SMARCA4: variants seen among roughly 807,000 people sequenced by gnomAD.
SMARCA4 encodes the protein SWI/SNF-related matrix-associated actin-dependent regulator of chromatin subfamily A member 4.
In SMARCA4, 31 loss-of-function variants were observed where a neutral mutation model predicts 193.9. That is an observed-to-expected ratio of 0.16 (90% CI 0.12 to 0.22). The LOEUF (loss-of-function observed/expected upper bound fraction) is 0.22, where lower values mean the gene tolerates loss of function less well. Ranked by LOEUF, SMARCA4 falls within the 10% of genes least tolerant of loss-of-function variation. The probability of loss-of-function intolerance (pLI) is 1.00; values close to 1 mark genes in which losing one functional copy is unlikely to be tolerated. For synonymous variants in SMARCA4, 942 were observed against 933.1 expected, an observed-to-expected ratio of 1.01 and a Z score of -0.17; for missense variants, 1,148 against 2,296.0, an observed-to-expected ratio of 0.50 and a Z score of 10.22.
chr19:10,972,344 C>T (rs530064305), intron 1 of SMARCA4, among the ~76,000 whole-genome samples: 2 of 151,566 alleles, frequency 1.3e-5, no homozygotes, highest in Admixed American at 1.3e-4. Context: ...GATCCACCTG[C>T]CTCGGCCTCC....
At chr19:11,053,326 A>G (rs539743406) in intron 30 of SMARCA4, among the ~76,000 whole-genome samples, 192 of 152,086 alleles carry the variant, frequency 1.3e-3, no homozygotes, top group Middle Eastern at 3.4e-3. Context: ...TCTACTCAAA[A>G]TACGTAAGTT....
Position 11,029,626 on chromosome 19 carries a change from C to T in SMARCA4, c.3383-1104C>T, listed in dbSNP as rs181596241. Among the ~76,000 whole-genome samples the T allele has an allele frequency of 2.6e-5, 4 of 152,356 alleles. No individual in the cohort carries two copies. In the East Asian group the frequency reaches 7.7e-4, roughly 29 times the overall value. On this transcript the variant is annotated intron_variant, in intron 24 of 34. Coordinates refer to ENST00000344626, the MANE Select transcript of SMARCA4 (RefSeq NM_003072.5). The stretch of plus-strand genomic sequence containing the variant: ...ATGGCCAGGCTACTGTGGGCTTCTG[C>T]ACCGTGCCTGGGCATGTGTAGGCTG...
In SMARCA4 at chr19:10,984,420, G is replaced by C; in HGVS notation, c.222+47G>C. 6.4e-7 allele frequency: 1 copy of C among 1,551,480 alleles called. No individual in the cohort carries two copies. The highest frequency in any genetic ancestry group is 8.7e-7 in the Non-Finnish European group (1 of 1,147,824). On this transcript the variant is annotated intron_variant, in intron 2 of 34. Coordinates refer to ENST00000344626, the MANE Select transcript of SMARCA4 (RefSeq NM_003072.5). The surrounding 1 kb of genome is among the most constrained non-coding windows in gnomAD (Gnocchi z 4.3). ...TCGCACCTGCGGCCTCTGCCCACTA[G>C]GGCTGCAGGCAGCCTCTGGACCGAG... is the stretch of plus-strand genomic sequence containing the variant.
In SMARCA4 at chr19:11,041,875, C is replaced by T. The variant is rs2075638195; in HGVS notation, c.4424+315C>T. Among the ~76,000 whole-genome samples, 1 of 152,174 alleles carries T rather than the reference C, an allele frequency of 6.6e-6. No homozygotes were observed. Among genetic ancestry groups the T allele is most frequent in the Admixed American group, 6.5e-5 (1 of 15,274 alleles). ...GGGGAGGTTGGGGAGAGTGCACCAG[C>T]AGAGGCCACAGCAGGCGGAGAGGCT... On this transcript the variant is annotated intron_variant, in intron 30 of 34. Coordinates refer to ENST00000344626, the MANE Select transcript of SMARCA4 (RefSeq NM_003072.5). This position sits in a 1 kb window ranked among gnomAD's most constrained non-coding sequence, Gnocchi z 5.6.
chr19:11,013,327 C>CA (rs1476147444), intron 16 of SMARCA4, among the ~76,000 whole-genome samples: 1 of 152,226 alleles, frequency 6.6e-6, no homozygotes, highest in Admixed American at 6.5e-5. Context: ...ATGTATCTCA[C>CA]TGTGTCTTCA....
chr19:10,978,389 A>G (rs778494307), intron 1 of SMARCA4, among the ~76,000 whole-genome samples: 6 of 152,048 alleles, frequency 3.9e-5, no homozygotes, highest in South Asian at 4.1e-4. Context: ...CTGGAGTGCA[A>G]TGATGTAATC....
At position 11,041,382 on chromosome 19, in the gene SMARCA4, G is replaced by A. The variant is rs1600466835; in HGVS notation, c.4246G>A (p.Asp1416Asn). Residue 1416 changes from aspartate (D) to asparagine (N), a missense_variant, in exon 30 of 35, where the codon GAC becomes AAC. Physicochemically the swap from Asp to Asn is conservative, Grantham distance 23. Around this residue, in one of 17 missense-constraint regions of SMARCA4, gnomAD observed 141 missense variants for 193.0 expected, o/e 0.73. Coordinates refer to ENST00000344626, the MANE Select transcript of SMARCA4 (RefSeq NM_003072.5). The surrounding 1 kb of genome is among the most constrained non-coding windows in gnomAD (Gnocchi z 5.6). ...QKKSSRKRKR[D>N]SDAGSSTPTT... is the part of the protein sequence containing the mutation. ...GAAATCATCACGGAAGCGCAAGCGA[G>A]ACAGCGACGCCGGCTCCTCCACCCC... is the stretch of plus-strand genomic sequence containing the variant. 6.2e-7 allele frequency: 1 copy of A among 1,612,730 alleles called. No homozygotes were observed. The highest frequency in any genetic ancestry group is 1.1e-5 in the South Asian group (1 of 91,080).
chr19:11,018,841 C>T (rs2089607842), intron 16 of SMARCA4, 116 bp from the exon 17 acceptor site: 2 of 845,376 alleles, frequency 2.4e-6, no homozygotes. Context: ...TTTCTCTGCC[C>T]ACTCGGAGGG....
intron 14 of SMARCA4, among the ~76,000 whole-genome samples, chr19:11,009,170 G>C (rs1201162467): frequency 2.7e-5 from 4 of 150,596 alleles, no homozygotes; most frequent in Non-Finnish European, 5.9e-5. Flanking sequence ...AACAGGCGCG[G>C]GCCACCACGT....
chr19:11,025,199 A>ATCTGCCC (rs1413323742), intron 21 of SMARCA4, among the ~76,000 whole-genome samples: 18 of 152,128 alleles, frequency 1.2e-4, no homozygotes, highest in African/African-American at 4.3e-4. Flanking sequence ...TGTCCCTGCC[A>ATCTGCCC]TCTGCCCTCT....
At position 11,033,597 on chromosome 19, in the gene SMARCA4, T is replaced by G; in HGVS notation, c.3774+80T>G. On this transcript the variant is annotated intron_variant, in intron 26 of 34. Transcript: ENST00000344626. This position sits in a 1 kb window ranked among gnomAD's most constrained non-coding sequence, Gnocchi z 9.8. ...CGGCTTTCATTTTTGTTTTTTTACCTTTTTTGCACTCTTATTTTTTTTGCA... is the reference window on the plus strand; with the variant it reads ...CGGCTTTCATTTTTGTTTTTTTACCGTTTTTGCACTCTTATTTTTTTTGCA... 9.3e-7 allele frequency: 1 copy of G among 1,073,920 alleles called. No individual in the cohort carries two copies. Among genetic ancestry groups the G allele is most frequent in the East Asian group, 2.4e-5 (1 of 41,956 alleles). The allele number at this position is 1,073,920 out of a possible 1,614,324, so 66.5% of individuals were successfully genotyped here.
At chr19:11,022,425 G>T (rs1010674439) in intron 19 of SMARCA4, among the ~76,000 whole-genome samples, 1 of 152,170 alleles carries the variant, frequency 6.6e-6, no homozygotes, top group African/African-American at 2.4e-5. Context: ...AAAAAGCTCA[G>T]TGGCCAGTGT....
At chr19:10,977,171 C>T (rs2145621446) in intron 1 of SMARCA4, among the ~76,000 whole-genome samples, 1 of 152,330 alleles carries the variant, frequency 6.6e-6, no homozygotes, top group East Asian at 1.9e-4. Flanking sequence ...TGGATCGCAC[C>T]TAGGGGTTTG....
chr19:10,974,657 A>T (rs1599854084), intron 1 of SMARCA4, among the ~76,000 whole-genome samples: 1 of 104,946 alleles, frequency 9.5e-6, no homozygotes, highest in Non-Finnish European at 1.8e-5. Flanking sequence ...CTATGCATGG[A>T]TTAACATGCA....
intron 1 of SMARCA4, among the ~76,000 whole-genome samples, chr19:10,979,951 G>A (rs928965874): frequency 6.6e-6 from 1 of 152,184 alleles, no homozygotes; most frequent in Non-Finnish European, 1.5e-5. Flanking sequence ...ACAAGTCAGT[G>A]AGAGTAAGCA....
intron 11 of SMARCA4, among the ~76,000 whole-genome samples, chr19:11,000,293 T>C (rs2087508312): frequency 6.6e-6 from 1 of 151,626 alleles, no homozygotes; most frequent in Non-Finnish European, 1.5e-5. Context: ...CCCCAGCAGT[T>C]TGGGTTGCTA....
chr19:11,060,289 C>A, intron 34 of SMARCA4, 102 bp downstream of exon 34: 1 of 1,392,326 alleles, frequency 7.2e-7, no homozygotes, highest in Non-Finnish European at 9.9e-7. Flanking sequence ...CGCCCCCACG[C>A]TGCAGGTGGG....
At chr19:11,007,424 C>T (rs905245215) in intron 13 of SMARCA4, among the ~76,000 whole-genome samples, 7 of 126,054 alleles carry the variant, frequency 5.6e-5, no homozygotes, top group African/African-American at 1.3e-4. Flanking sequence ...AGTGACACTT[C>T]GTCTCAAAAA....
At chr19:11,056,984 C>T (rs1414690967) in intron 30 of SMARCA4, among the ~76,000 whole-genome samples, 5 of 152,236 alleles carry the variant, frequency 3.3e-5, no homozygotes, top group Admixed American at 3.3e-4. Flanking sequence ...GGGCGGGCTG[C>T]CCTGCCCTCT....
Sources: allele counts gnomAD v4.1 joint callset (sites outside exome capture counted in the v4.1 genomes callset), GRCh38; gene constraint gnomAD v4.1.1; regional missense constraint gnomAD v4.1.1; non-coding constraint Gnocchi (gnomAD v3.1); transcripts MANE v1.5; gene names NCBI Gene and HGNC (gene_info 2026-07-23, HGNC 2026-07-21).